BRF2: variants seen among roughly 807,000 people sequenced by gnomAD.
BRF2 encodes the protein BRF2 general transcription factor IIIB subunit.
BRF2 carries 17 observed loss-of-function variants against 26.6 expected under a neutral mutation model. That is an observed-to-expected ratio of 0.64 (90% CI 0.44 to 0.96). The LOEUF (loss-of-function observed/expected upper bound fraction) is 0.96, where lower values mean the gene tolerates loss of function less well. Ranked by LOEUF, BRF2 falls within the 40% of genes least tolerant of loss-of-function variation. The pLI is 0.00. For synonymous variants in BRF2, 219 were observed against 226.6 expected, an observed-to-expected ratio of 0.97 and a Z score of 0.30; for missense variants, 515 against 537.0, an observed-to-expected ratio of 0.96 and a Z score of 0.40.
intron 3 of BRF2, among the ~76,000 whole-genome samples, chr8:37,846,530 G>A (rs952258789): frequency 2.6e-5 from 4 of 151,982 alleles, no homozygotes; most frequent in Non-Finnish European, 2.9e-5. Flanking sequence ...CGAGGCAGGC[G>A]GATCACCTGA....
At chr8:37,847,425 C>T in intron 2 of BRF2, 1 of 613,900 alleles carries the variant, frequency 1.6e-6, no homozygotes, top group Non-Finnish European at 3.0e-6. Flanking sequence ...GGGCCAAGCC[C>T]AAGTTTTATC....
intron 3 of BRF2, chr8:37,845,750 T>C: frequency 1.5e-6 from 1 of 679,966 alleles, no homozygotes; most frequent in Non-Finnish European, 2.7e-6. Context: ...TGCAGTGAGC[T>C]ATGATGGTGC....
rs1250279177 is a variant in BRF2, at chr8:37,844,341, C to A, written c.*149G>T. The A allele has an allele frequency of 3.0e-6, 3 of 1,003,198 alleles. No homozygotes were observed. Among genetic ancestry groups the A allele is most frequent in the Admixed American group, 5.1e-5 (2 of 39,422 alleles). The allele number at this position is 1,003,198 out of a possible 1,614,324, so 62.1% of individuals were successfully genotyped here. A position where few individuals can be genotyped will look rare whatever the true frequency, so the allele number is the denominator to read the frequency against. ...CTGCACTCCTGACTTTACTCCAGGA[C>A]CCAGGGTCCAACTAATGGCAGAGCC... On this transcript the variant is annotated 3_prime_UTR_variant, in exon 4 of 4. Transcript: ENST00000220659.
Position 37,844,392 on chromosome 8 carries a change from A to C in BRF2, c.*98T>G. On this transcript the variant is annotated 3_prime_UTR_variant, in exon 4 of 4. Coordinates refer to ENST00000220659, the MANE Select transcript of BRF2 (RefSeq NM_018310.4). ...CCTCTTGGTTCCTTCAAACAAGAAA[A>C]GCAATACCTACGGACTGGTGTACAC... 6.7e-7 allele frequency: 1 copy of C among 1,494,726 alleles called. No homozygotes were observed. Among genetic ancestry groups the C allele is most frequent in the Non-Finnish European group, 9.0e-7 (1 of 1,105,216 alleles). 92.6% of individuals were successfully genotyped at this position (1,494,726 alleles called of 1,614,324 possible).
Position 37,849,676 on chromosome 8 carries a change from G to C in BRF2, c.108C>G (p.Thr36=), listed in dbSNP as rs748738508. Reference sequence around the variant, plus strand: ...TGAAGGTAGTGGTAAGGACCCCCTCGGTGACCACGCAGCCGCAGTCGGAGC... The same window carrying C: ...TGAAGGTAGTGGTAAGGACCCCCTCCGTGACCACGCAGCCGCAGTCGGAGC... ...LVCSDCGCVV[T]EGVLTTTFSD... is the part of the protein sequence containing the mutation. The change falls in exon 1 of 4, where the codon ACC becomes ACG. Residue 36 remains threonine (T), a synonymous_variant. Coordinates refer to ENST00000220659, the MANE Select transcript of BRF2 (RefSeq NM_018310.4). 6.2e-7 allele frequency: 1 copy of C among 1,613,642 alleles called. No homozygotes were observed. The highest frequency in any genetic ancestry group is 8.5e-7 in the Non-Finnish European group (1 of 1,179,910).
chr8:37,846,982 C>T lies in BRF2; in HGVS notation c.408G>A (p.Gly136=). ...CTGCATACAACAGCGTGCAGATGGC[C>T]CCCATTGTTAGGGGCCAGTTATGCT... ...CRQHNWPLTM[G]AICTLLYADL... is the part of the protein sequence containing the mutation. Residue 136 remains glycine (G), a synonymous_variant, in exon 3 of 4, where the codon GGG becomes GGA. Transcript: ENST00000220659. 1.9e-6 allele frequency: 3 copies of T among 1,614,172 alleles called. No individual in the cohort carries two copies. The highest frequency in any genetic ancestry group is 2.5e-6 in the Non-Finnish European group (3 of 1,180,006).
chr8:37,845,418 G>C (rs1187845979), intron 3 of BRF2, among the ~76,000 whole-genome samples: 2 of 151,712 alleles, frequency 1.3e-5, no homozygotes, highest in Non-Finnish European at 2.9e-5. Flanking sequence ...AGGAGAGCAC[G>C]AACATTTATT....
Position 37,847,032 on chromosome 8 carries a change from A to C in BRF2, c.358T>G (p.Cys120Gly), listed in dbSNP as rs1322489586. Residue 120 changes from cysteine to glycine, a missense_variant, in exon 3 of 4, where the codon TGC (cysteine) becomes GGC (glycine). Cys to Gly is a radical substitution (Grantham distance 159). Coordinates refer to ENST00000220659, the MANE Select transcript of BRF2 (RefSeq NM_018310.4). ...RLQKKEVLVG[C>G]CVLITCRQHN... Reference sequence around the variant, plus strand: ...TGTCGGCAGGTGATTAAGACGCAGCACCCAACCAACACCTCCTTCTTTTGC... The same window carrying C: ...TGTCGGCAGGTGATTAAGACGCAGCCCCCAACCAACACCTCCTTCTTTTGC... The C allele has an allele frequency of 1.9e-6, 3 of 1,614,206 alleles. No homozygotes were observed. Among genetic ancestry groups the C allele is most frequent in the Admixed American group, 3.3e-5 (2 of 60,014 alleles).
At chr8:37,846,784 C>T in intron 3 of BRF2, 70 bp downstream of exon 3, 2 of 1,127,664 alleles carry the variant, frequency 1.8e-6, no homozygotes, top group Non-Finnish European at 2.6e-6. Context: ...AAAGAGATGG[C>T]CAAAGGTCAA....
chr8:37,846,132 T>C (rs1054918283), intron 3 of BRF2, among the ~76,000 whole-genome samples: 5 of 152,150 alleles, frequency 3.3e-5, no homozygotes. Context: ...GTAGAACGCT[T>C]GAGTCCAGGA....
chr8:37,846,802 A>G, intron 3 of BRF2, 52 bp downstream of exon 3: 2 of 1,259,674 alleles, frequency 1.6e-6, no homozygotes. Flanking sequence ...CAAAGGATTC[A>G]GGTCTAAGGA....
rs747411299 is a variant in BRF2, at chr8:37,849,697, G to C, written c.87C>G (p.Ser29=). 1 of 1,613,640 alleles carries C rather than the reference G, an allele frequency of 6.2e-7. No individual in the cohort carries two copies. The highest frequency in any genetic ancestry group is 8.5e-7 in the Non-Finnish European group (1 of 1,179,922). ...SHYSQSQLVC[S]DCGCVVTEGV... ...CCTCGGTGACCACGCAGCCGCAGTC[G>C]GAGCACACCAGCTGGCTCTGCGAAT... is the stretch of plus-strand genomic sequence containing the variant. The change falls in exon 1 of 4, where the codon TCC becomes TCG. Residue 29 remains serine (S), a synonymous_variant. Transcript: ENST00000220659.
At chr8:37,848,555 T>C in intron 2 of BRF2, 41 bp downstream of exon 2, 2 of 1,599,316 alleles carry the variant, frequency 1.3e-6, no homozygotes, top group Non-Finnish European at 1.7e-6. Flanking sequence ...CCTAGGATAG[T>C]TTTCTTTAAA....
At position 37,847,043 on chromosome 8, in the gene BRF2, ACCT is replaced by A; in HGVS notation, c.344_346del (p.Glu115del). On this transcript the variant is annotated inframe_deletion, in exon 3 of 4. Transcript: ENST00000220659. ...GATTAAGACGCAGCACCCAACCAACACCTCCTTCTTTTGCAGCCTGGCCGCTCG... is the reference window on the plus strand; with the variant it reads ...GATTAAGACGCAGCACCCAACCAACACCTTCTTTTGCAGCCTGGCCGCTCG... The A allele has an allele frequency of 6.2e-7, 1 of 1,613,652 alleles. No homozygotes were observed.
rs745623401 is a variant in BRF2 at position 37,845,158 on chromosome 8, CTT to C, written c.590_591del (p.Lys197ArgfsTer16). The C allele has an allele frequency of 6.2e-6, 10 of 1,613,204 alleles. No individual in the cohort carries two copies. The East Asian group carries it at 6.7e-5, about 11-fold the overall frequency. On this transcript the variant is annotated frameshift_variant, in exon 4 of 4. Coordinates refer to ENST00000220659, the MANE Select transcript of BRF2 (RefSeq NM_018310.4). LOFTEE classifies it low-confidence loss of function (END_TRUNC). ...TGCATTGTTCGAGACAGCATCTTCTCTTTGTCTTCCACGTATTTGGCTGGCAC... is the reference window on the plus strand; with the variant it reads ...TGCATTGTTCGAGACAGCATCTTCTCTGTCTTCCACGTATTTGGCTGGCAC... ...PSVPAKYVED[K>X]EKMLSRTMQL...
At chr8:37,847,813 G>A (rs1585417264) in intron 2 of BRF2, among the ~76,000 whole-genome samples, 1 of 151,946 alleles carries the variant, frequency 6.6e-6, no homozygotes, top group Non-Finnish European at 1.5e-5. Flanking sequence ...ACAGGTGTGA[G>A]CCACCATCCC....
chr8:37,846,272 C>T (rs1383613413), intron 3 of BRF2, among the ~76,000 whole-genome samples: 4 of 151,612 alleles, frequency 2.6e-5, no homozygotes, highest in Admixed American at 6.6e-5. Context: ...CACTTGAACC[C>T]GGGAGGTGGA....
chr8:37,849,508 G>A (rs947893782), intron 1 of BRF2, 122 bp downstream of exon 1: 2 of 834,936 alleles, frequency 2.4e-6, no homozygotes, highest in Non-Finnish European at 3.7e-6. Context: ...GCTCACTTTA[G>A]GTCATTTTCT....
rs188269073 is a variant in BRF2 at position 37,844,371 on chromosome 8, T to C, written c.*119A>G. Reference sequence around the variant, plus strand: ...GGTCCAACTAATGGCAGAGCCCCTCTTGGTTCCTTCAAACAAGAAAAGCAA... The same window carrying C: ...GGTCCAACTAATGGCAGAGCCCCTCCTGGTTCCTTCAAACAAGAAAAGCAA... On this transcript the variant is annotated 3_prime_UTR_variant, in exon 4 of 4. Transcript: ENST00000220659. The C allele has an allele frequency of 8.0e-6, 11 of 1,372,150 alleles. No homozygotes were observed. The highest frequency in any genetic ancestry group is 2.3e-5 in the East Asian group (1 of 43,314). 85.0% of individuals were successfully genotyped at this position (1,372,150 alleles called of 1,614,324 possible).
Sources: allele counts gnomAD v4.1 joint callset (sites outside exome capture counted in the v4.1 genomes callset), GRCh38; gene constraint gnomAD v4.1.1; transcripts MANE v1.5; gene names NCBI Gene and HGNC (gene_info 2026-07-23, HGNC 2026-07-21).